The following EEFSEC variants were observed in gnomAD, a reference collection of about 807,000 sequenced individuals.
The protein encoded by EEFSEC is eukaryotic elongation factor, selenocysteine-tRNA specific, also known as selenocysteine-specific elongation factor.
In EEFSEC, 43 loss-of-function variants were observed where a neutral mutation model predicts 42.1. The observed-to-expected ratio is 1.02, with a 90% confidence interval of 0.80 to 1.32. EEFSEC has a LOEUF of 1.32. EEFSEC is among the 40% of genes most tolerant of loss of function. The probability of loss-of-function intolerance (pLI) is 0.00; values close to 1 mark genes in which losing one functional copy is unlikely to be tolerated. For synonymous variants in EEFSEC, 354 were observed against 339.1 expected (o/e 1.04, Z -0.48); for missense variants, 745 against 803.6 (o/e 0.93, Z 0.88).
At chr3:128,327,225 G>A (rs919389734) in intron 4 of EEFSEC, among the ~76,000 whole-genome samples, 18 of 151,622 alleles carry the variant, frequency 1.2e-4, no homozygotes, top group African/African-American at 3.2e-4. Flanking sequence ...CCTGCACAGC[G>A]CTCTCCTGGG....
intron 2 of EEFSEC, among the ~76,000 whole-genome samples, chr3:128,259,148 C>T (rs1024856567): frequency 2.0e-5 from 3 of 152,088 alleles, no homozygotes; most frequent in Non-Finnish European, 4.4e-5. Context: ...CATTGGTGCT[C>T]GGTAAAAGGT....
chr3:128,242,896 C>G (rs2066086759), intron 1 of EEFSEC, among the ~76,000 whole-genome samples: 2 of 152,094 alleles, frequency 1.3e-5, no homozygotes, highest in African/African-American at 4.8e-5. Context: ...TCGCTATGTC[C>G]CTCTAGTCTC....
At chr3:128,400,532 C>G (rs2068037080) in intron 6 of EEFSEC, among the ~76,000 whole-genome samples, 1 of 152,220 alleles carries the variant, frequency 6.6e-6, no homozygotes, top group Non-Finnish European at 1.5e-5. Context: ...GGCTCTCTTC[C>G]AACCCTCTCC....
chr3:128,271,187 G>C (rs1037555124), intron 4 of EEFSEC, among the ~76,000 whole-genome samples: 2 of 152,150 alleles, frequency 1.3e-5, no homozygotes, highest in African/African-American at 4.8e-5. Flanking sequence ...CTGTGCCCCT[G>C]TCTTCAAGGC....
chr3:128,381,858 C>T (rs1394371216), intron 6 of EEFSEC, among the ~76,000 whole-genome samples: 1 of 152,160 alleles, frequency 6.6e-6, no homozygotes, highest in Non-Finnish European at 1.5e-5. Context: ...GAGGGATCTG[C>T]ACAAAGATGT....
intron 1 of EEFSEC, among the ~76,000 whole-genome samples, chr3:128,205,437 G>C (rs763644448): frequency 9.9e-5 from 15 of 152,190 alleles, no homozygotes; most frequent in Non-Finnish European, 1.8e-4. Context: ...CTGCGGGGGT[G>C]CCCTTGAGGA....
intron 4 of EEFSEC, among the ~76,000 whole-genome samples, chr3:128,269,971 G>A (rs1051270289): frequency 6.6e-6 from 1 of 152,202 alleles, no homozygotes; most frequent in Non-Finnish European, 1.5e-5. Context: ...AGCAGGGGCT[G>A]GGAGTGCAGA....
At chr3:128,163,706 G>A (rs893521044) in intron 1 of EEFSEC, among the ~76,000 whole-genome samples, 2 of 151,606 alleles carry the variant, frequency 1.3e-5, no homozygotes, top group Admixed American at 1.3e-4. Flanking sequence ...TTCCCCATTC[G>A]CCCCTCTCCC....
intron 4 of EEFSEC, among the ~76,000 whole-genome samples, chr3:128,305,632 A>G (rs1275346084): frequency 6.6e-6 from 1 of 152,130 alleles, no homozygotes; most frequent in Non-Finnish European, 1.5e-5. Context: ...CTTCAAATTC[A>G]TTTGTATCTA....
intron 1 of EEFSEC, among the ~76,000 whole-genome samples, chr3:128,190,627 G>A (rs900871218): frequency 6.6e-6 from 1 of 152,092 alleles, no homozygotes; most frequent in Non-Finnish European, 1.5e-5. Context: ...TATAAATTTA[G>A]TGTTGTCTAA....
chr3:128,341,688 G>A lies in EEFSEC; in HGVS notation c.1242G>A (p.Val414=), dbSNP rs759872753. The A allele has an allele frequency of 6.2e-6, 10 of 1,614,000 alleles. No individual in the cohort carries two copies. The highest frequency in any genetic ancestry group is 8.5e-6 in the Non-Finnish European group (10 of 1,180,056). Residue 414 remains valine (V), a synonymous_variant, in exon 5 of 7, where the codon GTG becomes GTA. Coordinates refer to ENST00000254730, the MANE Select transcript of EEFSEC (RefSeq NM_021937.5). ...GTCCTCGGCAGCAGTGGGCCCTGGT[G>A]GAGTTTGAGAAGCCCGTCACCTGCC... is the stretch of plus-strand genomic sequence containing the variant. ...GHCPRQQWAL[V]EFEKPVTCPR...
intron 4 of EEFSEC, among the ~76,000 whole-genome samples, chr3:128,290,334 A>G (rs764758139): frequency 9.2e-5 from 14 of 152,114 alleles, no homozygotes; most frequent in Admixed American, 2.0e-4. Context: ...TACTTATTGA[A>G]AAAAATTTGT....
intron 4 of EEFSEC, among the ~76,000 whole-genome samples, chr3:128,304,375 A>G (rs1338408958): frequency 6.6e-6 from 1 of 151,878 alleles, no homozygotes; most frequent in African/African-American, 2.4e-5. Flanking sequence ...TCTTAAGTTT[A>G]TATTTAGGCA....
chr3:128,317,164 A>G lies in EEFSEC; in HGVS notation c.787-24069A>G, dbSNP rs966329987. Among the ~76,000 whole-genome samples, 1 of 152,180 alleles carries G rather than the reference A, an allele frequency of 6.6e-6. No individual in the cohort carries two copies. ...AGTAACCCTTTGGTACCAGGCCTCAATAGGGCAGCAAGGGCCCCGCAGAAG... is the reference window on the plus strand; with the variant it reads ...AGTAACCCTTTGGTACCAGGCCTCAGTAGGGCAGCAAGGGCCCCGCAGAAG... On this transcript the variant is annotated intron_variant, in intron 4 of 6. Transcript: ENST00000254730. This position sits in a 1 kb window ranked among gnomAD's most constrained non-coding sequence, Gnocchi z 4.1.
At chr3:128,198,890 G>A (rs1052403605) in intron 1 of EEFSEC, among the ~76,000 whole-genome samples, 45 of 151,592 alleles carry the variant, frequency 3.0e-4, no homozygotes, top group African/African-American at 1.1e-3. Flanking sequence ...GGAGTGCGGT[G>A]GCACTATCTT....
intron 6 of EEFSEC, among the ~76,000 whole-genome samples, chr3:128,359,726 A>G (rs1008908675): frequency 6.6e-6 from 1 of 152,238 alleles, no homozygotes; most frequent in African/African-American, 2.4e-5. Flanking sequence ...TGTCCTCTAC[A>G]TAACTCCAGG....
chr3:128,376,912 C>G (rs893874673), intron 6 of EEFSEC, among the ~76,000 whole-genome samples: 4 of 152,222 alleles, frequency 2.6e-5, no homozygotes, highest in African/African-American at 7.2e-5. Context: ...TAATTTCCCT[C>G]TGTCACCTGG....
rs181648224 is a variant in EEFSEC, at chr3:128,267,832, C to T, written c.786+3051C>T. On this transcript the variant is annotated intron_variant, in intron 4 of 6. Coordinates refer to ENST00000254730, the MANE Select transcript of EEFSEC (RefSeq NM_021937.5). The stretch of plus-strand genomic sequence containing the variant: ...TTCTATAGCAAAGTTATGCGGAGAG[C>T]CGTCTTGGCTAATGGCATGGACCCC... Among the ~76,000 whole-genome samples, 4 of 152,316 alleles carry T rather than the reference C, an allele frequency of 2.6e-5. No individual in the cohort carries two copies. The East Asian group carries it at 7.7e-4, about 29-fold the overall frequency.
intron 3 of EEFSEC, 66 bp from the exon 4 acceptor site, chr3:128,264,551 C>T: frequency 1.3e-6 from 2 of 1,549,320 alleles, no homozygotes; most frequent in East Asian, 4.5e-5. Context: ...CATTCTCTGC[C>T]TTCCTCTGCC....
Sources: gnomAD v4.1 joint callset for allele counts (sites outside exome capture counted in the v4.1 genomes callset) on GRCh38, gnomAD v4.1.1 for gene constraint, Gnocchi (gnomAD v3.1) non-coding constraint, MANE v1.5 for transcripts, NCBI Gene and HGNC (gene_info 2026-07-23, HGNC 2026-07-21) for gene names.